PDZD9: variants seen among roughly 807,000 people sequenced by gnomAD.
PDZD9 encodes the protein PDZ domain containing 9, also known as PDZ domain-containing protein 9.
Under a neutral mutation model 16.3 loss-of-function variants are expected in PDZD9, and 13 were observed. The observed-to-expected ratio is 0.80, with a 90% CI of 0.52 to 1.27. The LOEUF (loss-of-function observed/expected upper bound fraction) is 1.27, where lower values mean the gene tolerates loss of function less well. PDZD9 is among the 50% of genes most tolerant of loss of function. The pLI is 0.00. For missense variants in PDZD9, 288 were observed against 310.9 expected, an observed-to-expected ratio of 0.93 and a Z score of 0.55; for synonymous variants, 120 against 111.0, an observed-to-expected ratio of 1.08 and a Z score of -0.51.
At chr16:21,960,244 C>T in the PDZD9 span, among the ~76,000 whole-genome samples, 12 of 152,202 alleles carry the variant, frequency 7.9e-5, no homozygotes, top group Non-Finnish European at 1.5e-4. Flanking sequence ...TTCTGGATAA[C>T]GTGCTGCAGC....
chr16:21,967,614 G>A, the PDZD9 span, among the ~76,000 whole-genome samples: 1 of 152,118 alleles, frequency 6.6e-6, no homozygotes, highest in Non-Finnish European at 1.5e-5. Flanking sequence ...TGATTGGATG[G>A]ATGGGTAGTT....
intron 3 of PDZD9, 122 bp downstream of exon 3, chr16:21,988,480 A>G (rs1169927508): frequency 3.8e-6 from 3 of 791,302 alleles, no homozygotes; most frequent in Admixed American, 3.0e-5. Flanking sequence ...TTACTCTGAC[A>G]GTGTCACCAG....
the PDZD9 span, chr16:21,976,236 G>A: frequency 1.2e-6 from 2 of 1,613,042 alleles, no homozygotes; most frequent in South Asian, 2.2e-5. Context: ...AGATGTCCAA[G>A]CTGCCAAGTA....
At chr16:21,995,181 G>A (rs375497480) in intron 2 of PDZD9, 19 of 454,152 alleles carry the variant, frequency 4.2e-5, no homozygotes, top group African/African-American at 2.0e-4. Context: ...TTGTTTAAAC[G>A]TGTGTAGCAC....
At chr16:21,981,590 CA>C (rs1385075161), downstream of PDZD9, among the ~76,000 whole-genome samples, 2 of 151,922 alleles carry the variant, frequency 1.3e-5, no homozygotes, top group East Asian at 3.9e-4. Flanking sequence ...CCCATCTCTA[CA>C]AAAAAGTACA....
At chr16:21,969,447 G>A in the PDZD9 span, among the ~76,000 whole-genome samples, 2 of 152,114 alleles carry the variant, frequency 1.3e-5, no homozygotes, top group South Asian at 2.1e-4. Flanking sequence ...GAGGAGAATC[G>A]CTTGAACCCA....
chr16:21,996,701 A>C (rs1030718364), intron 1 of PDZD9, among the ~76,000 whole-genome samples, 200 bp from the exon 2 acceptor site: 1 of 152,214 alleles, frequency 6.6e-6, no homozygotes, highest in Non-Finnish European at 1.5e-5. Context: ...GGGCTTTTGC[A>C]GAGTCTGGCA....
chr16:21,973,872 C>A, the PDZD9 span: 1 of 1,604,426 alleles, frequency 6.2e-7, no homozygotes, highest in South Asian at 1.1e-5. Context: ...GAATATCATA[C>A]AGTAAAGTCT....
intron 2 of PDZD9, among the ~76,000 whole-genome samples, chr16:21,989,228 C>T (rs1005992997): frequency 1.6e-4 from 25 of 152,002 alleles, no homozygotes; most frequent in Admixed American, 1.5e-3. Context: ...CCACCGTACC[C>T]GGCCCAGCCT....
chr16:21,979,398 G>A (rs547910721), downstream of PDZD9, among the ~76,000 whole-genome samples: 3 of 152,182 alleles, frequency 2.0e-5, no homozygotes, highest in Admixed American at 6.5e-5. Flanking sequence ...GTGGTGTTAG[G>A]TGGTTTCATC....
chr16:21,972,251 C>G, the PDZD9 span: 1 of 1,229,504 alleles, frequency 8.1e-7, no homozygotes, highest in Non-Finnish European at 1.1e-6. Context: ...GAAGAGATAG[C>G]CAGGCTTGAT....
chr16:21,980,807 T>C, downstream of PDZD9: 3 of 1,312,034 alleles, frequency 2.3e-6, no homozygotes, highest in South Asian at 4.5e-5. Flanking sequence ...TTCTTATGTT[T>C]GGTGCTCATC....
downstream of PDZD9, among the ~76,000 whole-genome samples, chr16:21,982,118 G>A (rs935301088): frequency 6.6e-6 from 1 of 152,054 alleles, no homozygotes; most frequent in African/African-American, 2.4e-5. Flanking sequence ...GGGATTACAG[G>A]TGTGAATCAA....
At chr16:21,962,617 T>G in the PDZD9 span, 9,070 of 1,592,294 alleles carry the variant, frequency 5.7e-3, 34 homozygotes, top group Non-Finnish European at 6.0e-3. Flanking sequence ...GACTTCCATT[T>G]TGGATTATTG....
At chr16:21,964,381 C>G in the PDZD9 span, among the ~76,000 whole-genome samples, 651 of 152,220 alleles carry the variant, frequency 4.3e-3, 8 homozygotes, top group African/African-American at 0.015. Flanking sequence ...ATCTCCCACA[C>G]GGCCATTACA....
At chr16:21,977,310 C>T in the PDZD9 span, among the ~76,000 whole-genome samples, 2 of 151,742 alleles carry the variant, frequency 1.3e-5, no homozygotes, top group Admixed American at 6.6e-5. Flanking sequence ...ACTAAGATCA[C>T]GCCATTGCAC....
At chr16:21,986,574 C>A (rs1444490693) in intron 3 of PDZD9, among the ~76,000 whole-genome samples, 2 of 151,926 alleles carry the variant, frequency 1.3e-5, no homozygotes, top group Non-Finnish European at 2.9e-5. Flanking sequence ...CAGAGTGAGA[C>A]CCTGTCTCAA....
At chr16:21,964,900 C>T in the PDZD9 span, among the ~76,000 whole-genome samples, 1 of 152,198 alleles carries the variant, frequency 6.6e-6, no homozygotes, top group Non-Finnish European at 1.5e-5. Flanking sequence ...GGCAAAAAGG[C>T]ATTGAAGCAA....
chr16:21,959,115 G>T, the PDZD9 span, among the ~76,000 whole-genome samples: 20 of 152,296 alleles, frequency 1.3e-4, no homozygotes, highest in African/African-American at 4.6e-4. Flanking sequence ...TCAAGGTGGT[G>T]GTTGCTGAAG....
Sources: gnomAD v4.1 joint callset for allele counts (sites outside exome capture counted in the v4.1 genomes callset) on GRCh38, gnomAD v4.1.1 for gene constraint, MANE v1.5 for transcripts, NCBI Gene and HGNC (gene_info 2026-07-23, HGNC 2026-07-21) for gene names.